The following NRG1 variants were observed in gnomAD, a reference collection of about 807,000 sequenced individuals.
NRG1 encodes the protein pro-neuregulin-1, membrane-bound isoform.
Under a neutral mutation model 63.8 loss-of-function variants are expected in NRG1, and 18 were observed. That is an observed-to-expected ratio of 0.28 (90% CI 0.19 to 0.42). NRG1 has a LOEUF of 0.42. Among genes scored for constraint, NRG1 ranks in the 10% least tolerant of loss-of-function variants. The pLI, the probability that NRG1 is intolerant of heterozygous loss-of-function variation, is 1.00. For synonymous variants in NRG1, 302 were observed against 301.3 expected, an observed-to-expected ratio of 1.00 and a Z score of -0.02; for missense variants, 762 against 814.7, an observed-to-expected ratio of 0.94 and a Z score of 0.79.
chr8:32,624,014 A>C (rs576070849), intron 5 of NRG1, among the ~76,000 whole-genome samples: 1 of 152,340 alleles, frequency 6.6e-6, no homozygotes, highest in African/African-American at 2.4e-5. Flanking sequence ...TGATACTTGC[A>C]TCATACTTTA....
At chr8:31,914,727 C>T (rs541638149) in intron 1 of NRG1, among the ~76,000 whole-genome samples, 6 of 151,764 alleles carry the variant, frequency 4.0e-5, no homozygotes, top group Admixed American at 1.3e-4. Context: ...TCTGGATATT[C>T]GAATTATCAA....
At chr8:31,778,621 T>C (rs1819386872) in intron 1 of NRG1, among the ~76,000 whole-genome samples, 1 of 152,206 alleles carries the variant, frequency 6.6e-6, no homozygotes, top group Admixed American at 6.5e-5. Context: ...TTGTTAGTTT[T>C]GTAAGAATAG....
chr8:32,622,872 G>A (rs1374319674), intron 5 of NRG1, among the ~76,000 whole-genome samples: 1 of 152,208 alleles, frequency 6.6e-6, no homozygotes, highest in Admixed American at 6.6e-5. Context: ...GAGAATAAAA[G>A]TCAGAGAGTC....
At chr8:32,289,305 T>C (rs1229768969) in intron 1 of NRG1, among the ~76,000 whole-genome samples, 4 of 152,122 alleles carry the variant, frequency 2.6e-5, no homozygotes, top group African/African-American at 9.7e-5. Context: ...AGTCTACCTA[T>C]TGCTGTCCTA....
intron 1 of NRG1, among the ~76,000 whole-genome samples, chr8:32,278,227 G>T (rs1344818124): frequency 2.0e-5 from 3 of 152,060 alleles, no homozygotes; most frequent in Admixed American, 1.3e-4. Flanking sequence ...CTGATACACA[G>T]AACACAGAAA....
chr8:32,058,314 T>C (rs1417912736), intron 1 of NRG1, among the ~76,000 whole-genome samples: 1 of 152,052 alleles, frequency 6.6e-6, no homozygotes, highest in Non-Finnish European at 1.5e-5. Context: ...ATAAAAGTTA[T>C]ACATAGCCTA....
chr8:31,893,849 C>T (rs950892810), intron 1 of NRG1, among the ~76,000 whole-genome samples: 1 of 151,948 alleles, frequency 6.6e-6, no homozygotes, highest in Non-Finnish European at 1.5e-5. Context: ...ACTTTATTCA[C>T]ATCTTAAATA....
intron 1 of NRG1, among the ~76,000 whole-genome samples, chr8:32,165,242 A>G (rs1166742420): frequency 6.6e-6 from 1 of 151,868 alleles, no homozygotes; most frequent in Non-Finnish European, 1.5e-5. Flanking sequence ...GGGCTCAAAC[A>G]ATCTTCCTAC....
At chr8:31,664,873 G>A (rs757767456) in intron 1 of NRG1, among the ~76,000 whole-genome samples, 1 of 152,202 alleles carries the variant, frequency 6.6e-6, no homozygotes, top group Non-Finnish European at 1.5e-5. Context: ...AGCATGATCA[G>A]TGACCAGTGG....
chr8:32,691,592 G>A (rs1416020351), intron 5 of NRG1, among the ~76,000 whole-genome samples: 1 of 152,158 alleles, frequency 6.6e-6, no homozygotes, highest in African/African-American at 2.4e-5. Context: ...CTAGTGAATG[G>A]ATAAAGATAT....
chr8:32,169,059 A>T (rs1167875258), intron 1 of NRG1, among the ~76,000 whole-genome samples: 1 of 152,132 alleles, frequency 6.6e-6, no homozygotes, highest in Non-Finnish European at 1.5e-5. Context: ...TGCTGATGTC[A>T]TTATCATGGA....
At chr8:32,370,070 G>A (rs1431880071) in intron 1 of NRG1, among the ~76,000 whole-genome samples, 1 of 152,118 alleles carries the variant, frequency 6.6e-6, no homozygotes, top group Non-Finnish European at 1.5e-5. Flanking sequence ...AGGGGAGAAG[G>A]ACTGACATGA....
At chr8:32,354,304 G>T (rs1013821442) in intron 1 of NRG1, among the ~76,000 whole-genome samples, 4 of 152,200 alleles carry the variant, frequency 2.6e-5, no homozygotes, top group African/African-American at 9.6e-5. Context: ...GGGAGGCAGA[G>T]GTTGCAGTGA....
At chr8:32,238,940 C>T (rs1847840740) in intron 1 of NRG1, among the ~76,000 whole-genome samples, 1 of 152,074 alleles carries the variant, frequency 6.6e-6, no homozygotes, top group South Asian at 2.1e-4. Context: ...ACTTTTCACG[C>T]AGAAACTTGG....
chr8:32,742,978 G>A lies in NRG1; in HGVS notation c.691+245G>A. 1.5e-6 allele frequency: 2 copies of A among 1,324,854 alleles called. No homozygotes were observed. The highest frequency in any genetic ancestry group is 1.9e-6 in the Non-Finnish European group (2 of 1,032,480). 82.1% of individuals were successfully genotyped at this position (1,324,854 alleles called of 1,614,324 possible). A position where few individuals can be genotyped will look rare whatever the true frequency, so the allele number is the denominator to read the frequency against. ...TGAGGCTCCGGATGTTTCTGGAATT[G>A]ATATTGAATGATGTGATACAAATTG... is the stretch of plus-strand genomic sequence containing the variant. On this transcript the variant is annotated intron_variant, in intron 7 of 11. Transcript: ENST00000356819. The surrounding 1 kb of genome is among the most constrained non-coding windows in gnomAD (Gnocchi z 4.2).
rs146889309 is a variant in NRG1 at position 31,688,337 on chromosome 8, T to G, written c.37+48906T>G. Among the ~76,000 whole-genome samples the G allele has an allele frequency of 6.3e-4, 96 of 152,270 alleles. No individual in the cohort carries two copies. In the East Asian group the frequency reaches 0.016, roughly 25 times the overall value. ...CTTATATAAAAGGGCCAACGGAGCT[T>G]GTTTGTCCCTTCCAGGACATGCGAA... On this transcript the variant is annotated intron_variant, in intron 1 of 10. Transcript: ENST00000519301.
At chr8:31,694,632 C>A (rs1809869884) in intron 1 of NRG1, among the ~76,000 whole-genome samples, 1 of 152,008 alleles carries the variant, frequency 6.6e-6, no homozygotes, top group Non-Finnish European at 1.5e-5. Context: ...GCTATGTAGG[C>A]TTTTATGACT....
chr8:31,789,696 C>A (rs1428249917), intron 1 of NRG1, among the ~76,000 whole-genome samples: 1 of 152,180 alleles, frequency 6.6e-6, no homozygotes, highest in Non-Finnish European at 1.5e-5. Flanking sequence ...AACCTCCCAC[C>A]TATATGTTTT....
chr8:32,167,783 TAA>T (rs1839555091), intron 1 of NRG1, among the ~76,000 whole-genome samples: 1 of 152,158 alleles, frequency 6.6e-6, no homozygotes, highest in Non-Finnish European at 1.5e-5. Flanking sequence ...GATTGAGAAA[TAA>T]ATTGGGCAGC....
Sources: gnomAD v4.1 joint callset for allele counts (sites outside exome capture counted in the v4.1 genomes callset) on GRCh38, gnomAD v4.1.1 for gene constraint, Gnocchi (gnomAD v3.1) non-coding constraint, MANE v1.5 for transcripts, NCBI Gene and HGNC (gene_info 2026-07-23, HGNC 2026-07-21) for gene names.